Variants in COPG2 observed in about 807,000 individuals in gnomAD.
COPG2 encodes the protein coat protein complex I subunit gamma 2.
In COPG2, 37 loss-of-function variants were observed where a neutral mutation model predicts 46.3. The observed-to-expected ratio is 0.80, with a 90% CI of 0.61 to 1.05. The LOEUF (loss-of-function observed/expected upper bound fraction) is 1.05. Among genes scored for constraint, COPG2 ranks in the 50% least tolerant of loss-of-function variants. COPG2 has a pLI of 0.00. For missense variants in COPG2, 427 were observed against 387.8 expected (o/e 1.10, Z -0.85); for synonymous variants, 159 against 129.7 (o/e 1.23, Z -1.53).
At chr7:130,646,943 GTA>G (rs142314420) in intron 5 of COPG2, among the ~76,000 whole-genome samples, 20,494 of 138,070 alleles carry the variant, frequency 0.15, 2,987 homozygotes, top group African/African-American at 0.37. Flanking sequence ...ATATATATAC[GTA>G]TATATATATA....
At chr7:130,651,493 T>G (rs13242165) in intron 5 of COPG2, among the ~76,000 whole-genome samples, 1 of 46,608 alleles carries the variant, frequency 2.1e-5, no homozygotes, top group Admixed American at 2.6e-4. Context: ...AATTTTTTTG[T>G]ATTTTTTTTT....
In COPG2 at chr7:130,598,099, C is replaced by A. The variant is rs561281040; in HGVS notation, c.737+12854G>T. Among the ~76,000 whole-genome samples, 7 of 152,168 alleles carry A rather than the reference C, an allele frequency of 4.6e-5. No individual in the cohort carries two copies. The South Asian group carries it at 1.4e-3, about 32-fold the overall frequency. ...TGGTTGCCGCTTCTAGTGTAGGAAG[C>A]TGGGACATTAGAGCAAGGGCTGGTT... On this transcript the variant is annotated intron_variant, in intron 9 of 23. Transcript: ENST00000425248.
chr7:130,589,798 G>T (rs1358957272), intron 9 of COPG2, among the ~76,000 whole-genome samples: 1 of 152,082 alleles, frequency 6.6e-6, no homozygotes, highest in African/African-American at 2.4e-5. Context: ...GCTTATTTTT[G>T]TTTATTGGCA....
At chr7:130,641,420 C>A (rs1184565129) in intron 5 of COPG2, among the ~76,000 whole-genome samples, 1 of 151,964 alleles carries the variant, frequency 6.6e-6, no homozygotes, top group Non-Finnish European at 1.5e-5. Flanking sequence ...AGATGACAGG[C>A]AGAAGAAAAC....
intron 9 of COPG2, among the ~76,000 whole-genome samples, chr7:130,572,730 A>T (rs1793931134): frequency 6.6e-6 from 1 of 152,020 alleles, no homozygotes; most frequent in Admixed American, 6.6e-5. Context: ...TTGGAGAAAA[A>T]TTTATTTTAG....
chr7:130,650,193 T>C (rs782072162), intron 5 of COPG2, among the ~76,000 whole-genome samples: 20 of 152,180 alleles, frequency 1.3e-4, no homozygotes, highest in Admixed American at 3.9e-4. Context: ...TTTTAAGAAG[T>C]GTAGTCCTTA....
At chr7:130,507,146 G>C in intron 23 of COPG2, 128 bp downstream of exon 23, 1 of 681,524 alleles carries the variant, frequency 1.5e-6, no homozygotes, top group Non-Finnish European at 2.7e-6. Context: ...TATTCATTTT[G>C]ACTGGGTATC....
chr7:130,606,357 G>A (rs1185682131), intron 9 of COPG2, among the ~76,000 whole-genome samples: 11 of 151,234 alleles, frequency 7.3e-5, no homozygotes, highest in Admixed American at 2.0e-4. Context: ...AGGAAGGAAG[G>A]AGAAAGAAAG....
At chr7:130,655,489 C>T (rs1795832162) in intron 4 of COPG2, among the ~76,000 whole-genome samples, 1 of 152,140 alleles carries the variant, frequency 6.6e-6, no homozygotes, top group African/African-American at 2.4e-5. Context: ...CTTTTTTACA[C>T]ACACAGATCA....
At chr7:130,602,435 A>C (rs1395920148) in intron 9 of COPG2, among the ~76,000 whole-genome samples, 1 of 152,126 alleles carries the variant, frequency 6.6e-6, no homozygotes, top group African/African-American at 2.4e-5. Flanking sequence ...GACAACACAC[A>C]TACACAGCAT....
At chr7:130,548,976 A>G (rs1376901849) in intron 18 of COPG2, among the ~76,000 whole-genome samples, 2 of 151,314 alleles carry the variant, frequency 1.3e-5, no homozygotes, top group African/African-American at 4.9e-5. Context: ...TTCAACTAAT[A>G]TGTCCCCAAG....
At chr7:130,557,827 A>AAAAAAAAAAAAAAAAAAAAC (rs1793653619) in intron 12 of COPG2, among the ~76,000 whole-genome samples, 1 of 147,314 alleles carries the variant, frequency 6.8e-6, no homozygotes, top group Non-Finnish European at 1.5e-5. Context: ...CAAAAAAAAA[A>AAAAAAAAAAAAAAAAAAAAC]AAAAAAAAAA....
chr7:130,584,047 G>C (rs2116445878), intron 9 of COPG2, among the ~76,000 whole-genome samples: 1 of 151,848 alleles, frequency 6.6e-6, no homozygotes, highest in East Asian at 1.9e-4. Flanking sequence ...GATGAACACA[G>C]ATGCTAAAAT....
rs908772643 is a variant in COPG2, at chr7:130,585,499, G to A, written c.738-21106C>T. On this transcript the variant is annotated intron_variant, in intron 9 of 23. Coordinates refer to ENST00000425248, the MANE Select transcript of COPG2 (RefSeq NM_012133.6). ...TTATTAAACTAAAGAGCTTTTGCAC[G>A]GCAAAAGGAACAGTCAGCAGAGTAA... 3.3e-5 allele frequency among the ~76,000 whole-genome samples: 5 copies of A among 151,920 alleles called. 1 individual carries two copies. The highest frequency in any genetic ancestry group is 1.3e-4 in the Admixed American group (2 of 15,228).
At chr7:130,607,954 T>G (rs1554451500) in intron 9 of COPG2, among the ~76,000 whole-genome samples, 1 of 152,214 alleles carries the variant, frequency 6.6e-6, no homozygotes, top group Non-Finnish European at 1.5e-5. Context: ...CTGTTGTGGG[T>G]TATCTTCATT....
At chr7:130,530,573 G>A (rs1312007606) in intron 20 of COPG2, among the ~76,000 whole-genome samples, 2 of 152,198 alleles carry the variant, frequency 1.3e-5, no homozygotes, top group African/African-American at 2.4e-5. Flanking sequence ...TCCCTATGGA[G>A]AAGAGATGAC....
Position 130,617,034 on chromosome 7 carries a change from C to A in COPG2, c.355G>T (p.Val119Leu). 1 of 1,610,912 alleles carries A rather than the reference C, an allele frequency of 6.2e-7. No homozygotes were observed. Among genetic ancestry groups the A allele is most frequent in the Non-Finnish European group, 8.5e-7 (1 of 1,178,008 alleles). Reference protein sequence around the residue: ...LTKDMTGKEDVYRGPAIRALC... With the variant: ...LTKDMTGKEDLYRGPAIRALC... ...GCTCTGATGGCCGGGCCTCGGTATA[C>A]ATCTTCTTTTCCAGTCATGTCTTTA... is the stretch of plus-strand genomic sequence containing the variant. The change falls in exon 6 of 24, where the codon GTA (valine) becomes TTA (leucine). Residue 119 changes from valine (V) to leucine (L), a missense_variant. Physicochemically the swap from Val to Leu is conservative, Grantham distance 32. Transcript: ENST00000425248.
At chr7:130,607,761 T>C (rs781849967) in intron 9 of COPG2, 9 of 520,196 alleles carry the variant, frequency 1.7e-5, no homozygotes, top group South Asian at 1.1e-4. Context: ...TCAAACTGTT[T>C]TGACCACTCT....
chr7:130,668,657 T>C lies in COPG2; in HGVS notation c.12A>G (p.Lys4=), dbSNP rs782049207. 4 of 1,544,398 alleles carry C rather than the reference T, an allele frequency of 2.6e-6. No individual in the cohort carries two copies. Among genetic ancestry groups the C allele is most frequent in the African/African-American group, 2.9e-5 (2 of 69,954 alleles). The change falls in exon 1 of 24, where the codon AAA becomes AAG. Residue 4 remains lysine (K), a synonymous_variant. Coordinates refer to ENST00000425248, the MANE Select transcript of COPG2 (RefSeq NM_012133.6). MIK[K]FDKKDEESGS... Reference sequence around the variant, plus strand: ...CAGACTCCTCGTCCTTCTTGTCGAATTTTTTAATCATCTTGGACGACTTCC... The same window carrying C: ...CAGACTCCTCGTCCTTCTTGTCGAACTTTTTAATCATCTTGGACGACTTCC...
Sources: gnomAD v4.1 joint callset for allele counts (sites outside exome capture counted in the v4.1 genomes callset) on GRCh38, gnomAD v4.1.1 for gene constraint, MANE v1.5 for transcripts, NCBI Gene and HGNC (gene_info 2026-07-23, HGNC 2026-07-21) for gene names.